RORB: variants seen among roughly 807,000 people sequenced by gnomAD.
RORB encodes nuclear receptor ROR-beta.
RORB carries 6 observed loss-of-function variants against 59.1 expected under a neutral mutation model. That is an observed-to-expected ratio of 0.10 (90% CI 0.06 to 0.20). The LOEUF (loss-of-function observed/expected upper bound fraction) is 0.20. Among genes scored for constraint, RORB ranks in the 10% least tolerant of loss-of-function variants. The pLI, the probability that RORB is intolerant of heterozygous loss-of-function variation, is 1.00. For missense variants in RORB, 320 were observed against 560.5 expected (o/e 0.57, Z 4.33); for synonymous variants, 215 against 204.5 (o/e 1.05, Z -0.44).
At chr9:74,504,576 A>T (rs1179437656) in intron 1 of RORB, among the ~76,000 whole-genome samples, 1 of 152,088 alleles carries the variant, frequency 6.6e-6, no homozygotes, top group Non-Finnish European at 1.5e-5. Context: ...GTATGCTGAC[A>T]TTAAAATTAC....
intron 1 of RORB, among the ~76,000 whole-genome samples, chr9:74,522,233 CTG>C (rs1397622916): frequency 6.6e-6 from 1 of 151,668 alleles, no homozygotes; most frequent in Admixed American, 6.6e-5. Context: ...AAAAAATTGG[CTG>C]TCTTTGGAGA....
intron 1 of RORB, among the ~76,000 whole-genome samples, chr9:74,500,616 G>A (rs938153081): frequency 6.6e-6 from 1 of 152,144 alleles, no homozygotes; most frequent in Non-Finnish European, 1.5e-5. Context: ...GCTGACAACT[G>A]TCCTGAATCA....
At chr9:74,536,648 G>C (rs1826326920) in intron 1 of RORB, among the ~76,000 whole-genome samples, 1 of 151,952 alleles carries the variant, frequency 6.6e-6, no homozygotes, top group Non-Finnish European at 1.5e-5. Context: ...ATAAGACCAA[G>C]TCAGTAACTT....
At chr9:74,536,176 T>C (rs1238589748) in intron 1 of RORB, among the ~76,000 whole-genome samples, 1 of 152,078 alleles carries the variant, frequency 6.6e-6, no homozygotes, top group East Asian at 1.9e-4. Context: ...TAATATAACA[T>C]CTTGTTTTTA....
Position 74,642,484 on chromosome 9 carries a change from G to A in RORB, c.306G>A (p.Gln102=), listed in dbSNP as rs1421408559. The change falls in exon 4 of 10, where the codon CAG becomes CAA. Residue 102 remains glutamine (Q), a synonymous_variant. Coordinates refer to ENST00000376896, the MANE Select transcript of RORB (RefSeq NM_006914.4). The stretch of plus-strand genomic sequence containing the variant: ...ATGCTGAGGTGCAGAAGCACCAGCA[G>A]CGGCTGCAGGAACAGCGGCAGCAGC... ...SLYAEVQKHQ[Q]RLQEQRQQQS... is the part of the protein sequence containing the mutation. 9 of 1,614,100 alleles carry A rather than the reference G, an allele frequency of 5.6e-6. No homozygotes were observed. Among genetic ancestry groups the A allele is most frequent in the South Asian group, 2.2e-5 (2 of 91,088 alleles).
At chr9:74,659,545 C>T (rs1305629334) in intron 4 of RORB, among the ~76,000 whole-genome samples, 4 of 152,060 alleles carry the variant, frequency 2.6e-5, no homozygotes, top group Non-Finnish European at 5.9e-5. Context: ...CTCGCTCTGT[C>T]GCCCAGACTG....
chr9:74,540,402 G>A (rs1317788173), intron 1 of RORB, among the ~76,000 whole-genome samples: 1 of 152,112 alleles, frequency 6.6e-6, no homozygotes, highest in Non-Finnish European at 1.5e-5. Flanking sequence ...AAATAAAACA[G>A]TATCCACATT....
At chr9:74,671,935 A>G (rs756973968) in intron 9 of RORB, 34 bp downstream of exon 9, 3 of 1,244,674 alleles carry the variant, frequency 2.4e-6, no homozygotes, top group East Asian at 2.4e-5. Context: ...ACCACCACCA[A>G]AAGAGAGCAC....
intron 1 of RORB, among the ~76,000 whole-genome samples, chr9:74,583,215 T>C (rs754829094): frequency 2.0e-5 from 3 of 152,098 alleles, no homozygotes; most frequent in Admixed American, 6.5e-5. Flanking sequence ...CAACTTACTA[T>C]TGCCTCAGTA....
rs1824742994 is a variant in RORB at position 74,691,674 on chromosome 9, G to C, written c.*6056G>C. 6.6e-6 allele frequency: 1 copy of C among 152,130 alleles called. No individual in the cohort carries two copies. The highest frequency in any genetic ancestry group is 2.4e-5 in the African/African-American group (1 of 41,438). 9.4% of individuals were successfully genotyped at this position (152,130 alleles called of 1,614,324 possible). A position where few individuals can be genotyped will look rare whatever the true frequency, so the allele number is the denominator to read the frequency against. On this transcript the variant is annotated 3_prime_UTR_variant, in exon 10 of 10. Transcript: ENST00000376896. ...TTTCTATGTCTCTGTTTAAGCATAA[G>C]ACTTTGTAACAATTTTTTTAGAGGG...
intron 1 of RORB, among the ~76,000 whole-genome samples, chr9:74,503,687 C>G (rs112755361): frequency 7.2e-4 from 109 of 152,110 alleles, no homozygotes; most frequent in Middle Eastern, 3.4e-3. Flanking sequence ...AATTAAGCAA[C>G]AAATTCATAG....
At chr9:74,596,256 C>T (rs1201932166) in intron 1 of RORB, among the ~76,000 whole-genome samples, 1 of 151,928 alleles carries the variant, frequency 6.6e-6, no homozygotes, top group African/African-American at 2.4e-5. Context: ...GAGTCCAGGG[C>T]AAAGGTAGAG....
At chr9:74,622,521 T>TTC (rs1442352960) in intron 1 of RORB, among the ~76,000 whole-genome samples, 16 of 126,914 alleles carry the variant, frequency 1.3e-4, no homozygotes, top group Admixed American at 3.9e-4. Flanking sequence ...CAACCCAGAT[T>TTC]TTTTTTTTTT....
At chr9:74,505,921 G>A (rs1200620572) in intron 1 of RORB, among the ~76,000 whole-genome samples, 1 of 151,228 alleles carries the variant, frequency 6.6e-6, no homozygotes, top group Admixed American at 6.6e-5. Flanking sequence ...CAAAAAGAAA[G>A]TATATTGAAG....
rs1206052223 is a variant in RORB at position 74,497,967 on chromosome 9, C to T, written c.-10C>T. ...TTCATGACTACGCGGAGCGGGAGAG[C>T]GGCCACACCATGCGAGGTAAGCGAG... is the stretch of plus-strand genomic sequence containing the variant. On this transcript the variant is annotated 5_prime_UTR_variant, in exon 1 of 10. Coordinates refer to ENST00000376896, the MANE Select transcript of RORB (RefSeq NM_006914.4). 6.2e-7 allele frequency: 1 copy of T among 1,611,692 alleles called. No individual in the cohort carries two copies. Among genetic ancestry groups the T allele is most frequent in the South Asian group, 1.1e-5 (1 of 90,696 alleles).
intron 1 of RORB, among the ~76,000 whole-genome samples, chr9:74,511,231 G>A (rs1037172606): frequency 5.9e-5 from 9 of 151,958 alleles, no homozygotes; most frequent in African/African-American, 2.2e-4. Context: ...ATTTATTTTA[G>A]GTACTGGGGA....
At chr9:74,501,339 A>G (rs551874925) in intron 1 of RORB, among the ~76,000 whole-genome samples, 1 of 152,296 alleles carries the variant, frequency 6.6e-6, no homozygotes, top group South Asian at 2.1e-4. Context: ...TTGCTCTCAG[A>G]GGTATGGCAG....
chr9:74,565,277 A>G (rs1822451781), intron 1 of RORB, among the ~76,000 whole-genome samples: 1 of 152,212 alleles, frequency 6.6e-6, no homozygotes, highest in Admixed American at 6.5e-5. Context: ...AAATTTATAC[A>G]AATAAAATTA....
At chr9:74,506,169 T>C (rs1380285785) in intron 1 of RORB, among the ~76,000 whole-genome samples, 1 of 152,042 alleles carries the variant, frequency 6.6e-6, no homozygotes, top group African/African-American at 2.4e-5. Flanking sequence ...CTTAGATTAC[T>C]AGATATCAAG....
Sources: gnomAD v4.1 joint callset for allele counts (sites outside exome capture counted in the v4.1 genomes callset) on GRCh38, gnomAD v4.1.1 for gene constraint, MANE v1.5 for transcripts, NCBI Gene and HGNC (gene_info 2026-07-23, HGNC 2026-07-21) for gene names.